FAM120B: variants seen among roughly 807,000 people sequenced by gnomAD.
FAM120B encodes constitutive coactivator of peroxisome proliferator-activated receptor gamma.
FAM120B carries 83 observed loss-of-function variants against 96.3 expected under a neutral mutation model. The ratio of observed to expected loss-of-function variants is 0.86; its 90% CI spans 0.72 to 1.03. The LOEUF (loss-of-function observed/expected upper bound fraction) is 1.03, where lower values mean the gene tolerates loss of function less well. Among genes scored for constraint, FAM120B ranks in the 50% least tolerant of loss-of-function variants. The pLI is 0.00. For synonymous variants in FAM120B, 407 were observed against 402.7 expected, an observed-to-expected ratio of 1.01 and a Z score of -0.13; for missense variants, 1,027 against 1,121.2, an observed-to-expected ratio of 0.92 and a Z score of 1.20.
At chr6:170,310,918 C>T (rs1384869824) in intron 1 of FAM120B, among the ~76,000 whole-genome samples, 1 of 152,186 alleles carries the variant, frequency 6.6e-6, no homozygotes, top group East Asian at 1.9e-4. Flanking sequence ...CCTTGGAGCA[C>T]AGTAAATCCT....
intron 7 of FAM120B, among the ~76,000 whole-genome samples, 158 bp downstream of exon 7, chr6:170,388,651 C>T (rs1790327564): frequency 6.6e-6 from 1 of 152,202 alleles, no homozygotes; most frequent in South Asian, 2.1e-4. Flanking sequence ...TAGGCTTCTG[C>T]ATCAACATAA....
In FAM120B at chr6:170,382,248, C is replaced by T. The variant is rs192911083; in HGVS notation, c.2284-6039C>T. Among the ~76,000 whole-genome samples the T allele has an allele frequency of 5.3e-5, 8 of 152,180 alleles. No individual in the cohort carries two copies. The South Asian group carries it at 6.2e-4, about 12-fold the overall frequency. ...CCAGCCTGCGCAACATAGTAAGACC[C>T]CCATCTCTACAAAAAATTGAAAAAT... On this transcript the variant is annotated intron_variant, in intron 6 of 10. Coordinates refer to ENST00000476287, the MANE Select transcript of FAM120B (RefSeq NM_032448.3).
rs59945069 is a variant in FAM120B, at chr6:170,399,949, G to A, written c.2692+4370G>A. Among the ~76,000 whole-genome samples the A allele has an allele frequency of 5.8e-4, 25 of 42,832 alleles. 1 individual carries two copies. The highest frequency in any genetic ancestry group is 1.4e-3 in the South Asian group (2 of 1,420). The allele number at this position is 42,832 out of a possible 152,430, so 28.1% of individuals were successfully genotyped here. On this transcript the variant is annotated intron_variant, in intron 9 of 10. Transcript: ENST00000476287. ...GTCATAACTCTTAGGAGTGAGTGGG[G>A]AAGGTAGAACTATGTCATAACTCTT...
chr6:170,371,235 A>T (rs948157192), intron 6 of FAM120B, among the ~76,000 whole-genome samples: 1 of 151,946 alleles, frequency 6.6e-6, no homozygotes. Context: ...CATAAACATG[A>T]CATCGCACAG....
intron 6 of FAM120B, among the ~76,000 whole-genome samples, chr6:170,362,014 G>A (rs997945288): frequency 6.6e-6 from 1 of 152,062 alleles, no homozygotes; most frequent in Non-Finnish European, 1.5e-5. Flanking sequence ...GGCTGGTCTT[G>A]AACTCCTGAC....
intron 6 of FAM120B, among the ~76,000 whole-genome samples, chr6:170,386,988 A>T (rs1172296860): frequency 6.6e-6 from 1 of 152,230 alleles, no homozygotes; most frequent in Non-Finnish European, 1.5e-5. Flanking sequence ...GATATAATGG[A>T]TGCTAAAAAA....
chr6:170,361,845 G>A lies in FAM120B; in HGVS notation c.2283+3527G>A, dbSNP rs570954409. On this transcript the variant is annotated intron_variant, in intron 6 of 10. Transcript: ENST00000476287. ...GCCTCGCTCTGTTGCCCAGGCTGGA[G>A]TGCAGTGACGTGATCTCAGCTCACT... Among the ~76,000 whole-genome samples, 4 of 152,276 alleles carry A rather than the reference G, an allele frequency of 2.6e-5. No homozygotes were observed. In the South Asian group the frequency reaches 8.3e-4, roughly 32 times the overall value.
At chr6:170,294,653 C>T (rs1321579033), upstream of FAM120B, among the ~76,000 whole-genome samples, 1 of 152,168 alleles carries the variant, frequency 6.6e-6, no homozygotes, top group South Asian at 2.1e-4. The surrounding 1 kb of genome is among the most constrained non-coding windows in gnomAD (Gnocchi z 7.9). Context: ...CCTATTCCAA[C>T]CCCCCTTTCC....
At chr6:170,401,985 G>A (rs1053904786) in intron 9 of FAM120B, among the ~76,000 whole-genome samples, 5 of 152,164 alleles carry the variant, frequency 3.3e-5, no homozygotes, top group African/African-American at 4.8e-5. Context: ...TCTCTTCCCC[G>A]AACATGCCAT....
At chr6:170,358,789 G>A (rs999129343) in intron 6 of FAM120B, among the ~76,000 whole-genome samples, 9 of 152,120 alleles carry the variant, frequency 5.9e-5, no homozygotes, top group Admixed American at 3.3e-4. Context: ...TGGGAGATCC[G>A]CAGCCTCTAT....
Position 170,365,578 on chromosome 6 carries a change from A to G in FAM120B, c.2283+7260A>G, listed in dbSNP as rs79027921. ...GGAGGAAAGAATTGCCCAGGAAAAA[A>G]GCCCAGATGTTTTCTGTTCGTGAAC... On this transcript the variant is annotated intron_variant, in intron 6 of 10. Coordinates refer to ENST00000476287, the MANE Select transcript of FAM120B (RefSeq NM_032448.3). 0.01 allele frequency among the ~76,000 whole-genome samples: 1,569 copies of G among 152,330 alleles called. 68 individuals are homozygous for G. In the East Asian group the frequency reaches 0.1, roughly 10 times the overall value.
At chr6:170,329,962 A>G (rs961680222) in intron 3 of FAM120B, among the ~76,000 whole-genome samples, 7 of 152,098 alleles carry the variant, frequency 4.6e-5, no homozygotes, top group African/African-American at 1.7e-4. Context: ...GCATCTAGGG[A>G]CACCACCTCT....
At chr6:170,395,061 T>A (rs1208877378) in intron 8 of FAM120B, among the ~76,000 whole-genome samples, 1 of 152,122 alleles carries the variant, frequency 6.6e-6, no homozygotes, top group Non-Finnish European at 1.5e-5. Context: ...GCACGAAAAG[T>A]GTGTGTGAGT....
chr6:170,304,666 C>T (rs990713455), upstream of FAM120B, among the ~76,000 whole-genome samples: 3 of 152,178 alleles, frequency 2.0e-5, no homozygotes, highest in Non-Finnish European at 2.9e-5. Flanking sequence ...CCCAGTCCAG[C>T]TCTGCTTCCT....
At chr6:170,393,033 G>A (rs887321751) in intron 8 of FAM120B, among the ~76,000 whole-genome samples, 8 of 151,912 alleles carry the variant, frequency 5.3e-5, no homozygotes, top group African/African-American at 1.5e-4. Flanking sequence ...AGAAGTTTGC[G>A]CCGTGGCTGG....
chr6:170,319,247 A>G (rs1562524049), intron 2 of FAM120B, 123 bp downstream of exon 2: 1 of 908,572 alleles, frequency 1.1e-6, no homozygotes, highest in Non-Finnish European at 1.6e-6. Flanking sequence ...AGGAGTCTCT[A>G]AGTCTCGTTA....
chr6:170,352,110 G>A (rs1583247635), intron 5 of FAM120B, among the ~76,000 whole-genome samples: 1 of 151,930 alleles, frequency 6.6e-6, no homozygotes, highest in East Asian at 1.9e-4. Context: ...CCAAGCAAAT[G>A]GAAAACAGAA....
At chr6:170,399,639 G>C (rs77164193) in intron 9 of FAM120B, among the ~76,000 whole-genome samples, 1 of 137,426 alleles carries the variant, frequency 7.3e-6, no homozygotes, top group Non-Finnish European at 1.5e-5. Context: ...GGAGTGAGTG[G>C]GGAAGGTAGA....
At chr6:170,398,082 C>A (rs571572366) in intron 9 of FAM120B, among the ~76,000 whole-genome samples, 1 of 152,194 alleles carries the variant, frequency 6.6e-6, no homozygotes, top group Admixed American at 6.5e-5. Context: ...AAAGAGGCTA[C>A]GGGTTCTGCA....
Sources: gnomAD v4.1 joint callset for allele counts (sites outside exome capture counted in the v4.1 genomes callset) on GRCh38, gnomAD v4.1.1 for gene constraint, Gnocchi (gnomAD v3.1) non-coding constraint, MANE v1.5 for transcripts, NCBI Gene and HGNC (gene_info 2026-07-23, HGNC 2026-07-21) for gene names.